Variants in ASAP1 observed in about 807,000 individuals in gnomAD.
ASAP1 encodes the protein ArfGAP with SH3 domain, ankyrin repeat and PH domain 1.
Under a neutral mutation model 145.2 loss-of-function variants are expected in ASAP1, and 43 were observed. The ratio of observed to expected loss-of-function variants is 0.30; its 90% confidence interval spans 0.23 to 0.38. The LOEUF (loss-of-function observed/expected upper bound fraction) is 0.38. Among genes scored for constraint, ASAP1 ranks in the 10% least tolerant of loss-of-function variants. ASAP1 has a pLI of 1.00. For missense variants in ASAP1, 1,018 were observed against 1,355.3 expected (o/e 0.75, Z 3.91); for synonymous variants, 546 against 515.5 (o/e 1.06, Z -0.80).
At chr8:130,441,698 A>C (rs1830492899) in intron 1 of ASAP1, among the ~76,000 whole-genome samples, 1 of 152,210 alleles carries the variant, frequency 6.6e-6, no homozygotes. Context: ...ACTGATTTTG[A>C]AAATCTGGCT....
Position 130,060,709 on chromosome 8 carries a change from G to A in ASAP1, c.3062C>T (p.Ser1021Leu). ...ATTTGGGGATAGATCCAATGGGTGT[G>A]ACTTCAGTGTGACCTCAGAGGGTTG... is the stretch of plus-strand genomic sequence containing the variant. ...AQQPSEVTLK[S>L]HPLDLSPNVQ... The change falls in exon 28 of 30, where the codon TCA (serine) becomes TTA (leucine). Residue 1021 changes from serine to leucine, a missense_variant. This residue lies in a region of ASAP1 where 139 missense variants were observed against 131.0 expected (regional missense o/e 1.06). Coordinates refer to ENST00000518721, the MANE Select transcript of ASAP1 (RefSeq NM_018482.4). 1 of 1,614,176 alleles carries A rather than the reference G, an allele frequency of 6.2e-7. No individual in the cohort carries two copies. Among genetic ancestry groups the A allele is most frequent in the South Asian group, 1.1e-5 (1 of 91,068 alleles).
chr8:130,092,007 A>G lies in ASAP1; in HGVS notation c.2538T>C (p.Pro846=). ...RTLSDPPSPL[P]HGPPNKGAVP... is the part of the protein sequence containing the mutation. ...CTGCGCCTTTGTTTGGGGGCCCATGAGGTAGTGGGCTGGGAGGGTCGGATA... is the reference window on the plus strand; with the variant it reads ...CTGCGCCTTTGTTTGGGGGCCCATGGGGTAGTGGGCTGGGAGGGTCGGATA... Residue 846 remains proline (P), a synonymous_variant, in exon 25 of 30, where the codon CCT becomes CCC. Coordinates refer to ENST00000518721, the MANE Select transcript of ASAP1 (RefSeq NM_018482.4). The G allele has an allele frequency of 2.6e-6, 4 of 1,561,542 alleles. No individual in the cohort carries two copies. The highest frequency in any genetic ancestry group is 3.4e-6 in the Non-Finnish European group (4 of 1,160,294).
intron 4 of ASAP1, among the ~76,000 whole-genome samples, chr8:130,236,088 A>G (rs938977906): frequency 6.6e-6 from 1 of 152,138 alleles, no homozygotes; most frequent in Non-Finnish European, 1.5e-5. Context: ...ACGAAAGCCC[A>G]CATCTGTCCA....
At chr8:130,372,587 T>G (rs925118220) in intron 2 of ASAP1, among the ~76,000 whole-genome samples, 2 of 152,230 alleles carry the variant, frequency 1.3e-5, no homozygotes, top group African/African-American at 4.8e-5. Context: ...CTCATCAGGG[T>G]TCTTTAGAAT....
At chr8:130,163,718 A>C (rs962868887) in intron 11 of ASAP1, among the ~76,000 whole-genome samples, 4 of 152,222 alleles carry the variant, frequency 2.6e-5, no homozygotes, top group African/African-American at 9.6e-5. Context: ...AAAAACTGAC[A>C]CACTGAAGGA....
chr8:130,086,525 T>C (rs907381581), intron 25 of ASAP1, among the ~76,000 whole-genome samples: 3 of 152,192 alleles, frequency 2.0e-5, no homozygotes, highest in Admixed American at 6.5e-5. Flanking sequence ...ATTTATGGGC[T>C]GGGTGTGGTG....
chr8:130,160,502 A>G (rs1232357623), intron 11 of ASAP1, among the ~76,000 whole-genome samples: 1 of 151,822 alleles, frequency 6.6e-6, no homozygotes, highest in Non-Finnish European at 1.5e-5. Flanking sequence ...TATACCTATA[A>G]CCACATTTTT....
intron 4 of ASAP1, among the ~76,000 whole-genome samples, chr8:130,225,319 C>T (rs377071899): frequency 2.0e-4 from 30 of 152,108 alleles, no homozygotes; most frequent in African/African-American, 6.5e-4. Context: ...TTTGGGTTTC[C>T]GGCCTTATGT....
rs181020786 is a variant in ASAP1, at chr8:130,310,064, G to A, written c.186+47953C>T. ...AGTTCTACCATACATTAACCATACC[G>A]ACCTGGCATACTTGCCTATGATTTC... is the stretch of plus-strand genomic sequence containing the variant. On this transcript the variant is annotated intron_variant, in intron 3 of 29. Transcript: ENST00000518721. Among the ~76,000 whole-genome samples the A allele has an allele frequency of 1.1e-3, 149 of 137,580 alleles. 2 individuals carry two copies. The highest frequency in any genetic ancestry group is 3.7e-3 in the African/African-American group (135 of 36,686). The allele number at this position is 137,580 out of a possible 152,430, so 90.3% of individuals were successfully genotyped here.
chr8:130,167,456 G>C, intron 11 of ASAP1, 80 bp downstream of exon 11: 2 of 1,104,384 alleles, frequency 1.8e-6, no homozygotes. Flanking sequence ...TGCCTGTCTT[G>C]CAGATCAGGA....
chr8:130,398,314 T>A (rs1239306520), intron 2 of ASAP1, among the ~76,000 whole-genome samples: 1 of 152,226 alleles, frequency 6.6e-6, no homozygotes, highest in Non-Finnish European at 1.5e-5. Context: ...ATGAATGGCA[T>A]CTGACAAGTT....
chr8:130,282,363 G>T (rs978085586), intron 3 of ASAP1, among the ~76,000 whole-genome samples: 1 of 152,058 alleles, frequency 6.6e-6, no homozygotes, highest in Non-Finnish European at 1.5e-5. Context: ...ACTACAAATC[G>T]CTTTTGCATT....
chr8:130,118,685 A>G lies in ASAP1; in HGVS notation c.1608-10T>C. 3 of 1,427,606 alleles carry G rather than the reference A, an allele frequency of 2.1e-6. No individual in the cohort carries two copies. The highest frequency in any genetic ancestry group is 2.8e-6 in the Non-Finnish European group (3 of 1,078,024). The allele number at this position is 1,427,606 out of a possible 1,614,324, so 88.4% of individuals were successfully genotyped here. ...TTCTTTTCGTACAGTCCTAAAACAGAACAAAATAAAGAATTTTTATTTTCC... is the reference window on the plus strand; with the variant it reads ...TTCTTTTCGTACAGTCCTAAAACAGGACAAAATAAAGAATTTTTATTTTCC... On this transcript the variant is annotated splice_polypyrimidine_tract_variant and intron_variant, in intron 18 of 29. Transcript: ENST00000518721.
chr8:130,374,849 C>T (rs1340291949), intron 2 of ASAP1, among the ~76,000 whole-genome samples: 1 of 152,188 alleles, frequency 6.6e-6, no homozygotes, highest in South Asian at 2.1e-4. Flanking sequence ...AATGATTTAT[C>T]CCTTAAGGAT....
chr8:130,267,664 T>A, intron 3 of ASAP1, among the ~76,000 whole-genome samples: 1 of 152,184 alleles, frequency 6.6e-6, no homozygotes, highest in Non-Finnish European at 1.5e-5. Flanking sequence ...TTGAAGGAAC[T>A]CCTCTACCCT....
rs565935857 is a variant in ASAP1, at chr8:130,193,203, T to C, written c.406-5020A>G. ...GGCCAACAAGATGAAACCCTGCCTC[T>C]ACTAAAAATACAAAAATTAGCCAGG... On this transcript the variant is annotated intron_variant, in intron 5 of 29. Transcript: ENST00000518721. Among the ~76,000 whole-genome samples the C allele has an allele frequency of 3.3e-5, 5 of 152,144 alleles. No homozygotes were observed. In the East Asian group the frequency reaches 9.6e-4, roughly 29 times the overall value.
intron 9 of ASAP1, among the ~76,000 whole-genome samples, chr8:130,172,503 T>C (rs909714351): frequency 1.3e-5 from 2 of 152,166 alleles, no homozygotes; most frequent in East Asian, 1.9e-4. Flanking sequence ...TGAGTTTCAA[T>C]GAGAATGCTC....
chr8:130,429,886 T>TTGTTC (rs1159079984), intron 1 of ASAP1, among the ~76,000 whole-genome samples: 20 of 152,254 alleles, frequency 1.3e-4, no homozygotes, highest in African/African-American at 4.8e-4. Context: ...CCTCAATTTG[T>TTGTTC]TGTTCTCTAT....
At chr8:130,058,277 C>A (rs1331292802) in intron 28 of ASAP1, among the ~76,000 whole-genome samples, 1 of 152,156 alleles carries the variant, frequency 6.6e-6, no homozygotes, top group Non-Finnish European at 1.5e-5. Flanking sequence ...CCTTCCTCTC[C>A]CCCCATCATC....
Sources: allele counts gnomAD v4.1 joint callset (sites outside exome capture counted in the v4.1 genomes callset), GRCh38; gene constraint gnomAD v4.1.1; regional missense constraint gnomAD v4.1.1; transcripts MANE v1.5; gene names NCBI Gene and HGNC (gene_info 2026-07-23, HGNC 2026-07-21).